ATP8A2: variants seen among roughly 807,000 people sequenced by gnomAD.
ATP8A2 encodes the protein ATPase phospholipid transporting 8A2, also known as phospholipid-transporting ATPase IB.
A neutral mutation model predicts 165.6 loss-of-function variants in ATP8A2; 100 were observed. The observed-to-expected ratio is 0.60, with a 90% CI of 0.51 to 0.71. The LOEUF (loss-of-function observed/expected upper bound fraction) is 0.71, where lower values mean the gene tolerates loss of function less well. Among genes scored for constraint, ATP8A2 ranks in the 30% least tolerant of loss-of-function variants. The pLI is 0.00. For missense variants in ATP8A2, 1,227 were observed against 1,479.5 expected (o/e 0.83, Z 2.80); for synonymous variants, 543 against 548.8 (o/e 0.99, Z 0.15).
intron 24 of ATP8A2, among the ~76,000 whole-genome samples, chr13:25,598,416 C>T (rs576872719): frequency 6.6e-5 from 10 of 152,116 alleles, no homozygotes; most frequent in Middle Eastern, 3.4e-3. Flanking sequence ...GGAGATTTTC[C>T]GAAAATTTAT....
chr13:25,568,912 C>A (rs2039392293), intron 16 of ATP8A2, among the ~76,000 whole-genome samples: 1 of 151,978 alleles, frequency 6.6e-6, no homozygotes, highest in Admixed American at 6.6e-5. Context: ...AGGAAGAAAA[C>A]CAATGATAGG....
chr13:25,890,871 T>C (rs1327398305), intron 33 of ATP8A2, among the ~76,000 whole-genome samples: 1 of 152,214 alleles, frequency 6.6e-6, no homozygotes, highest in East Asian at 1.9e-4. Context: ...ATGAAATTTG[T>C]TTTAAAGCAT....
At chr13:25,812,049 C>G (rs1285810212) in intron 27 of ATP8A2, among the ~76,000 whole-genome samples, 2 of 152,062 alleles carry the variant, frequency 1.3e-5, no homozygotes, top group Admixed American at 1.3e-4. Context: ...ATAGTTACAT[C>G]TCTAATTTTA....
chr13:25,849,030 C>A (rs9319248), intron 30 of ATP8A2, among the ~76,000 whole-genome samples: 20,001 of 151,656 alleles, frequency 0.13, 1,572 homozygotes, highest in Non-Finnish European at 0.18. Context: ...GGGGCTGGCT[C>A]AGTTAATGTT....
intron 24 of ATP8A2, among the ~76,000 whole-genome samples, chr13:25,669,640 C>T (rs1193927211): frequency 6.6e-6 from 1 of 152,206 alleles, no homozygotes; most frequent in East Asian, 1.9e-4. Flanking sequence ...TAGAAACTTC[C>T]TTCTTAGCCT....
chr13:25,839,677 T>G lies in ATP8A2; in HGVS notation c.2956+53T>G, dbSNP rs892510272. 9 of 1,461,852 alleles carry G rather than the reference T, an allele frequency of 6.2e-6. No individual in the cohort carries two copies. The African/African-American group carries it at 1.3e-4, about 20-fold the overall frequency. 90.6% of individuals were successfully genotyped at this position (1,461,852 alleles called of 1,614,324 possible). On this transcript the variant is annotated intron_variant, in intron 30 of 36. Transcript: ENST00000381655. ...GCAAGGAGCTTTGCAGCCGCTCTGC[T>G]GCCTGTGTGTTCACAATTTTTTTTT...
intron 28 of ATP8A2, among the ~76,000 whole-genome samples, chr13:25,834,654 A>T (rs748864117): frequency 2.0e-5 from 3 of 152,180 alleles, no homozygotes; most frequent in Non-Finnish European, 4.4e-5. Flanking sequence ...ATGAAGAAAA[A>T]TGTGTGTAAA....
chr13:25,520,460 G>A (rs2037626304), intron 2 of ATP8A2, among the ~76,000 whole-genome samples: 1 of 152,104 alleles, frequency 6.6e-6, no homozygotes, highest in Non-Finnish European at 1.5e-5. Flanking sequence ...TTTGGCTACT[G>A]TAAATATGCT....
At chr13:25,559,908 G>C (rs2039091005) in intron 15 of ATP8A2, 143 bp downstream of exon 15, 1 of 614,822 alleles carries the variant, frequency 1.6e-6, no homozygotes. Flanking sequence ...GCTCACTGTA[G>C]TCACGAACTC....
chr13:25,436,639 G>T (rs776329610), intron 1 of ATP8A2, among the ~76,000 whole-genome samples: 2 of 152,118 alleles, frequency 1.3e-5, no homozygotes, highest in African/African-American at 4.8e-5. Flanking sequence ...GGGATTGTTG[G>T]GTTGAATGGT....
At chr13:25,401,910 G>A (rs1215001310) in intron 1 of ATP8A2, among the ~76,000 whole-genome samples, 1 of 152,098 alleles carries the variant, frequency 6.6e-6, no homozygotes, top group Non-Finnish European at 1.5e-5. Context: ...AGGCTGGAGT[G>A]CAGTGGCATG....
chr13:25,767,454 G>C (rs1429905783), intron 25 of ATP8A2, among the ~76,000 whole-genome samples: 1 of 152,164 alleles, frequency 6.6e-6, no homozygotes, highest in Non-Finnish European at 1.5e-5. Flanking sequence ...ATTAAATAAT[G>C]GTTGAAGAAC....
intron 26 of ATP8A2, among the ~76,000 whole-genome samples, chr13:25,770,100 C>T (rs375695059): frequency 2.6e-5 from 4 of 152,134 alleles, no homozygotes; most frequent in African/African-American, 7.2e-5. Context: ...CATTTCTGGG[C>T]GTAAGCTGAA....
intron 1 of ATP8A2, among the ~76,000 whole-genome samples, chr13:25,452,047 G>A (rs1003386010): frequency 2.0e-5 from 3 of 151,972 alleles, no homozygotes; most frequent in African/African-American, 4.8e-5. Flanking sequence ...TAGAGACGGG[G>A]TTTTACCGTG....
chr13:25,689,259 A>G (rs1186143069), intron 24 of ATP8A2, among the ~76,000 whole-genome samples: 1 of 152,246 alleles, frequency 6.6e-6, no homozygotes. Context: ...TAGTTCAAAA[A>G]TTGTAATGAC....
chr13:25,737,220 G>C (rs1392133987), intron 25 of ATP8A2, among the ~76,000 whole-genome samples: 2 of 152,294 alleles, frequency 1.3e-5, no homozygotes, highest in East Asian at 3.9e-4. Context: ...ATGAGGAAAC[G>C]GGTCCTCAGG....
At chr13:25,531,203 G>GAT (rs1555291086) in intron 4 of ATP8A2, among the ~76,000 whole-genome samples, 5 of 123,150 alleles carry the variant, frequency 4.1e-5, no homozygotes, top group Non-Finnish European at 6.8e-5. Context: ...TGTTATATAT[G>GAT]ATATATGTTA....
chr13:25,379,316 T>G (rs971648651), intron 1 of ATP8A2, among the ~76,000 whole-genome samples: 1 of 152,228 alleles, frequency 6.6e-6, no homozygotes, highest in Non-Finnish European at 1.5e-5. Flanking sequence ...AGACTGATTA[T>G]ATAGGAAACT....
intron 24 of ATP8A2, among the ~76,000 whole-genome samples, chr13:25,673,688 A>G (rs1262274540): frequency 6.6e-6 from 1 of 152,128 alleles, no homozygotes; most frequent in African/African-American, 2.4e-5. Context: ...CCAAACAGCT[A>G]TTGGTGCGTA....
Sources: allele counts gnomAD v4.1 joint callset (sites outside exome capture counted in the v4.1 genomes callset), GRCh38; gene constraint gnomAD v4.1.1; transcripts MANE v1.5; gene names NCBI Gene and HGNC (gene_info 2026-07-23, HGNC 2026-07-21).